XKR4: variants seen among roughly 807,000 people sequenced by gnomAD.
XKR4 encodes the protein XK related 4, also known as XK-related protein 4.
Under a neutral mutation model 53.9 loss-of-function variants are expected in XKR4, and 12 were observed. The ratio of observed to expected loss-of-function variants is 0.22; its 90% CI spans 0.14 to 0.36. XKR4 has a LOEUF of 0.36. Among genes scored for constraint, XKR4 ranks in the 10% least tolerant of loss-of-function variants. The probability of loss-of-function intolerance (pLI) is 1.00; values close to 1 mark genes in which losing one functional copy is unlikely to be tolerated. For missense variants in XKR4, 799 were observed against 859.5 expected (o/e 0.93, Z 0.88); for synonymous variants, 354 against 362.4 (o/e 0.98, Z 0.26).
intron 1 of XKR4, among the ~76,000 whole-genome samples, chr8:55,226,859 C>T (rs1817960213): frequency 6.6e-6 from 1 of 152,204 alleles, no homozygotes; most frequent in Non-Finnish European, 1.5e-5. Context: ...TATCCTGTTA[C>T]CCAGGAGCCT....
In XKR4 at chr8:55,525,693, G is replaced by A. The variant is rs933490642; in HGVS notation, c.*1466G>A. ...CTTTGATAGTATTTTTTTATAGTTG[G>A]TGCAGAGTGGAATAACTCATGGATT... On this transcript the variant is annotated 3_prime_UTR_variant, in exon 3 of 3. Transcript: ENST00000327381. 4 of 152,476 alleles carry A rather than the reference G, an allele frequency of 2.6e-5. No individual in the cohort carries two copies. Among genetic ancestry groups the A allele is most frequent in the Admixed American group, 2.6e-4 (4 of 15,262 alleles). The allele number at this position is 152,476 out of a possible 1,614,324, so 9.4% of individuals were successfully genotyped here.
At chr8:55,311,842 AAAAAAAAAAGAAAAG>A (rs1819394108) in intron 1 of XKR4, among the ~76,000 whole-genome samples, 2 of 150,102 alleles carry the variant, frequency 1.3e-5, no homozygotes, top group Admixed American at 6.6e-5. Flanking sequence ...AAAAAAAAAA[AAAAAAAAAAGAAAAG>A]AAAAAGAAAA....
At chr8:55,220,186 C>T (rs1395717582) in intron 1 of XKR4, among the ~76,000 whole-genome samples, 2 of 151,936 alleles carry the variant, frequency 1.3e-5, no homozygotes, top group Non-Finnish European at 2.9e-5. Flanking sequence ...CATAAATATA[C>T]ATAATTATTA....
At chr8:55,451,231 C>T (rs1194973881) in intron 2 of XKR4, 4 of 569,592 alleles carry the variant, frequency 7.0e-6, no homozygotes, top group South Asian at 2.1e-5. Context: ...CCCACATTGG[C>T]ACCAAGCCCA....
At chr8:55,425,011 T>A (rs1419268625) in intron 2 of XKR4, among the ~76,000 whole-genome samples, 3 of 152,202 alleles carry the variant, frequency 2.0e-5, no homozygotes, top group Non-Finnish European at 4.4e-5. Flanking sequence ...CATCTAAATC[T>A]CTGCCTGTAT....
chr8:55,441,355 A>G (rs1805263584), intron 2 of XKR4, among the ~76,000 whole-genome samples: 1 of 152,236 alleles, frequency 6.6e-6, no homozygotes, highest in Non-Finnish European at 1.5e-5. Flanking sequence ...CAGGCATTTA[A>G]TAATATACCA....
At chr8:55,486,263 GA>G (rs539266367) in intron 2 of XKR4, among the ~76,000 whole-genome samples, 169 of 152,300 alleles carry the variant, frequency 1.1e-3, no homozygotes, top group Non-Finnish European at 2.0e-3. Context: ...TAAGTCTTTT[GA>G]CCAGATCTAT....
At chr8:55,227,762 C>CG (rs1388103847) in intron 1 of XKR4, among the ~76,000 whole-genome samples, 1 of 152,162 alleles carries the variant, frequency 6.6e-6, no homozygotes, top group Non-Finnish European at 1.5e-5. Flanking sequence ...CACAGCCACC[C>CG]CTGTGTGAGT....
At chr8:55,160,642 T>C (rs1486470221) in intron 1 of XKR4, among the ~76,000 whole-genome samples, 2 of 152,212 alleles carry the variant, frequency 1.3e-5, no homozygotes, top group Non-Finnish European at 1.5e-5. Flanking sequence ...TAATTCCCTA[T>C]GAGTATGCAT....
At chr8:55,347,775 T>C (rs1293789830) in intron 1 of XKR4, among the ~76,000 whole-genome samples, 2 of 152,224 alleles carry the variant, frequency 1.3e-5, no homozygotes, top group Non-Finnish European at 2.9e-5. Flanking sequence ...TCATCCTTGA[T>C]GGCAAGGCCT....
chr8:55,334,297 G>A (rs376886123), intron 1 of XKR4, among the ~76,000 whole-genome samples: 1 of 152,136 alleles, frequency 6.6e-6, no homozygotes, highest in African/African-American at 2.4e-5. Context: ...ATTTATGGAA[G>A]TCCTTAGCAT....
Position 55,269,710 on chromosome 8 carries a change from T to A in XKR4, c.807-87968T>A, listed in dbSNP as rs73682938. 3.7e-3 allele frequency among the ~76,000 whole-genome samples: 557 copies of A among 152,298 alleles called. 5 individuals carry two copies. Among genetic ancestry groups the A allele is most frequent in the African/African-American group, 0.012 (504 of 41,556 alleles). ...ACCCGATCAGAGCTACCATTAGTCT[T>A]TAAGAATCAATTCCGCTGCCCAAAA... On this transcript the variant is annotated intron_variant, in intron 1 of 2. Transcript: ENST00000327381.
At chr8:55,412,079 G>A (rs2129391326) in intron 2 of XKR4, among the ~76,000 whole-genome samples, 1 of 152,224 alleles carries the variant, frequency 6.6e-6, no homozygotes, top group South Asian at 2.1e-4. Flanking sequence ...CAGATCTGTG[G>A]CTGGCAGCAG....
chr8:55,128,799 A>G (rs2129352817), intron 1 of XKR4, among the ~76,000 whole-genome samples: 1 of 152,312 alleles, frequency 6.6e-6, no homozygotes, highest in South Asian at 2.1e-4. Context: ...TCTCTCCAAG[A>G]CAATGAATGA....
rs148638059 is a variant in XKR4 at position 55,408,322 on chromosome 8, A to G, written c.1006+50445A>G. ...TTGCCCAGAGTTTGCCCAAATTTAC[A>G]CTGCTAGGAAGTGGCAGACCTAGAA... is the stretch of plus-strand genomic sequence containing the variant. On this transcript the variant is annotated intron_variant, in intron 2 of 2. Coordinates refer to ENST00000327381, the MANE Select transcript of XKR4 (RefSeq NM_052898.2). Among the ~76,000 whole-genome samples, 14 of 152,328 alleles carry G rather than the reference A, an allele frequency of 9.2e-5. No individual in the cohort carries two copies. The East Asian group carries it at 1.2e-3, about 13-fold the overall frequency.
intron 1 of XKR4, among the ~76,000 whole-genome samples, chr8:55,209,249 A>G (rs10958449): frequency 0.94 from 142,897 of 151,848 alleles, 67,330 homozygotes; most frequent in Non-Finnish European, 0.95. Context: ...TCACCTGCTC[A>G]GCCCCCACTT....
chr8:55,220,011 T>G (rs897743753), intron 1 of XKR4, among the ~76,000 whole-genome samples: 1 of 152,146 alleles, frequency 6.6e-6, no homozygotes, highest in Non-Finnish European at 1.5e-5. Context: ...GTGATAACCA[T>G]AGTTAAAAAT....
intron 1 of XKR4, among the ~76,000 whole-genome samples, chr8:55,176,610 C>A (rs1817239225): frequency 6.6e-6 from 1 of 152,190 alleles, no homozygotes; most frequent in African/African-American, 2.4e-5. Context: ...TACTCTAGAC[C>A]TTCATAAATG....
chr8:55,439,472 A>T (rs1805234633), intron 2 of XKR4, among the ~76,000 whole-genome samples: 2 of 152,218 alleles, frequency 1.3e-5, no homozygotes, highest in South Asian at 4.1e-4. Context: ...TTCAAATATA[A>T]AATAAGTATT....
Sources: gnomAD v4.1 joint callset for allele counts (sites outside exome capture counted in the v4.1 genomes callset) on GRCh38, gnomAD v4.1.1 for gene constraint, MANE v1.5 for transcripts, NCBI Gene and HGNC (gene_info 2026-07-23, HGNC 2026-07-21) for gene names.